Variants in DDHD1 observed in about 807,000 individuals in gnomAD.
DDHD1 encodes phospholipase DDHD1.
Under a neutral mutation model 96.4 loss-of-function variants are expected in DDHD1, and 49 were observed. The ratio of observed to expected loss-of-function variants is 0.51; its 90% confidence interval spans 0.40 to 0.64. The LOEUF (loss-of-function observed/expected upper bound fraction) is 0.64, where lower values mean the gene tolerates loss of function less well. Ranked by LOEUF, DDHD1 falls within the 30% of genes least tolerant of loss-of-function variation. DDHD1 has a pLI of 0.00. For missense variants in DDHD1, 1,106 were observed against 1,161.2 expected (o/e 0.95, Z 0.69); for synonymous variants, 442 against 446.5 (o/e 0.99, Z 0.13).
chr14:53,086,185 T>A (rs1055442292), intron 4 of DDHD1, among the ~76,000 whole-genome samples: 4 of 152,212 alleles, frequency 2.6e-5, no homozygotes, highest in African/African-American at 9.6e-5. Flanking sequence ...CTGGTGTACC[T>A]GAAAGTGACG....
chr14:53,084,753 G>A (rs1041373882), intron 4 of DDHD1, among the ~76,000 whole-genome samples: 4 of 152,202 alleles, frequency 2.6e-5, no homozygotes, highest in Admixed American at 6.5e-5. Context: ...GAGGTACCTG[G>A]TTCATCTCAC....
intron 1 of DDHD1, among the ~76,000 whole-genome samples, chr14:53,146,839 T>C (rs886301865): frequency 1.3e-5 from 2 of 152,212 alleles, no homozygotes; most frequent in Non-Finnish European, 2.9e-5. Context: ...AAAAAAATTT[T>C]TCCTTGTTCT....
Position 53,152,776 on chromosome 14 carries a change from C to CCGCCGG in DDHD1, c.322_323insCCGGCG (p.Ser108delinsThrGlyGly). 1 of 1,605,498 alleles carries CCGCCGG rather than the reference C, an allele frequency of 6.2e-7. No individual in the cohort carries two copies. The highest frequency in any genetic ancestry group is 1.7e-5 in the Admixed American group (1 of 59,012). ...CGACAAGGAGCTGCCGCCGCCGCCG[C>CCGCCGG]TCTCACCCTCGCTGTAGTAGCGCAG... On this transcript the variant is annotated protein_altering_variant, in exon 1 of 13. Coordinates refer to ENST00000673822, the MANE Select transcript of DDHD1 (RefSeq NM_001160148.2).
intron 1 of DDHD1, among the ~76,000 whole-genome samples, chr14:53,117,809 T>G (rs983851050): frequency 7.2e-5 from 11 of 152,150 alleles, no homozygotes; most frequent in Admixed American, 2.0e-4. Flanking sequence ...AGTGATTCTC[T>G]CAGCAGGGCA....
At chr14:53,102,279 C>G (rs187787976) in intron 2 of DDHD1, among the ~76,000 whole-genome samples, 14 of 152,062 alleles carry the variant, frequency 9.2e-5, no homozygotes, top group Non-Finnish European at 2.9e-5. Context: ...ATATATAAAA[C>G]TTGCTATTTT....
intron 1 of DDHD1, among the ~76,000 whole-genome samples, chr14:53,115,635 T>C (rs957045517): frequency 6.6e-6 from 1 of 152,104 alleles, no homozygotes; most frequent in Non-Finnish European, 1.5e-5. Context: ...CTAAGCTTCA[T>C]AACCAAAGGA....
intron 4 of DDHD1, among the ~76,000 whole-genome samples, chr14:53,084,811 C>T (rs1457978283): frequency 6.6e-6 from 1 of 152,150 alleles, no homozygotes; most frequent in African/African-American, 2.4e-5. Flanking sequence ...CAAGCCGAAG[C>T]AGGGTGGGGC....
At chr14:53,091,651 G>A in intron 4 of DDHD1, 134 bp downstream of exon 4, 1 of 879,416 alleles carries the variant, frequency 1.1e-6, no homozygotes, top group Non-Finnish European at 1.6e-6. Flanking sequence ...CTTGATCTAT[G>A]ACTTAAGAGG....
intron 2 of DDHD1, among the ~76,000 whole-genome samples, chr14:53,101,962 A>G (rs1255239527): frequency 6.6e-6 from 1 of 151,980 alleles, no homozygotes; most frequent in Non-Finnish European, 1.5e-5. Flanking sequence ...GGAACCATCT[A>G]CTTGTATTTT....
rs761752590 is a variant in DDHD1 at position 53,152,639 on chromosome 14, G to C, written c.460C>G (p.Arg154Gly). ...TCCGTCACTACCTCATAGCGGTGCC[G>C]GGCCGCCGGGCCGCCAAGCCGGGTA... ...KRTRLGGPAA[R>G]HRYEVVTELG... The change falls in exon 1 of 13, where the codon CGG (arginine) becomes GGG (glycine). Residue 154 changes from arginine to glycine, a missense_variant. Physicochemically the swap from Arg to Gly is moderately radical, Grantham distance 125 (BLOSUM62 -2). Coordinates refer to ENST00000673822, the MANE Select transcript of DDHD1 (RefSeq NM_001160148.2). 22 of 1,612,800 alleles carry C rather than the reference G, an allele frequency of 1.4e-5. No homozygotes were observed. The highest frequency in any genetic ancestry group is 1.8e-5 in the Non-Finnish European group (21 of 1,179,840).
intron 1 of DDHD1, among the ~76,000 whole-genome samples, chr14:53,138,730 A>G (rs1233986701): frequency 1.3e-5 from 2 of 152,192 alleles, no homozygotes; most frequent in South Asian, 2.1e-4. Context: ...AAAATGTTTC[A>G]ACAATTTGCT....
At chr14:53,055,530 G>T in intron 10 of DDHD1, 130 bp downstream of exon 10, 1 of 856,144 alleles carries the variant, frequency 1.2e-6, no homozygotes, top group Non-Finnish European at 1.8e-6. Flanking sequence ...AACATTGGGA[G>T]GGTAGTTAAT....
rs1595286866 is a variant in DDHD1, at chr14:53,152,458, T to C, written c.641A>G (p.His214Arg). Residue 214 changes from histidine to arginine, a missense_variant, in exon 1 of 13, where the codon CAT becomes CGT. His to Arg is a conservative substitution (Grantham distance 29, BLOSUM62 0). Transcript: ENST00000673822. Reference protein sequence around the residue: ...RPQGGDRDGDHVCSPTGPASS... With the variant: ...RPQGGDRDGDRVCSPTGPASS... ...GGCTGGGCCCGTGGGGGAGCACACA[T>C]GGTCGCCGTCCCGGTCCCCGCCCTG... 1.2e-6 allele frequency: 2 copies of C among 1,613,230 alleles called. No homozygotes were observed. The highest frequency in any genetic ancestry group is 8.5e-7 in the Non-Finnish European group (1 of 1,179,770).
At chr14:53,090,280 T>C (rs1393647362) in intron 4 of DDHD1, among the ~76,000 whole-genome samples, 1 of 152,230 alleles carries the variant, frequency 6.6e-6, no homozygotes, top group Non-Finnish European at 1.5e-5. Context: ...TTGGTGGGAC[T>C]GTAAACTAGT....
At chr14:53,127,673 G>C (rs9323237) in intron 1 of DDHD1, among the ~76,000 whole-genome samples, 133,211 of 152,222 alleles carry the variant, frequency 0.88, 58,357 homozygotes, top group East Asian at 0.98. Context: ...GCTGGAGAAG[G>C]AAGCCCAGAG....
intron 4 of DDHD1, among the ~76,000 whole-genome samples, chr14:53,083,501 CA>C (rs1271788404): frequency 1.3e-5 from 2 of 152,140 alleles, no homozygotes; most frequent in African/African-American, 4.8e-5. Context: ...AAGCGGTAAA[CA>C]TATTTTTCTG....
At chr14:53,122,587 T>TTG (rs1051546426) in intron 1 of DDHD1, among the ~76,000 whole-genome samples, 4 of 151,472 alleles carry the variant, frequency 2.6e-5, no homozygotes, top group African/African-American at 9.7e-5. Context: ...TAATAGTTTT[T>TTG]TTTTTTTTTT....
chr14:53,098,665 A>G (rs1379320993), intron 2 of DDHD1, among the ~76,000 whole-genome samples: 1 of 152,132 alleles, frequency 6.6e-6, no homozygotes, highest in African/African-American at 2.4e-5. Context: ...AAGGAAAGCT[A>G]GTTAGAAGGT....
chr14:53,121,503 T>C (rs1393603663), intron 1 of DDHD1, among the ~76,000 whole-genome samples: 1 of 152,174 alleles, frequency 6.6e-6, no homozygotes, highest in Non-Finnish European at 1.5e-5. Flanking sequence ...GTGGCACTAT[T>C]TACAATAGCA....
Sources: allele counts gnomAD v4.1 joint callset (sites outside exome capture counted in the v4.1 genomes callset), GRCh38; gene constraint gnomAD v4.1.1; transcripts MANE v1.5; gene names NCBI Gene and HGNC (gene_info 2026-07-23, HGNC 2026-07-21).